The following ZFHX3 variants were observed in gnomAD, a reference collection of about 807,000 sequenced individuals.
ZFHX3 encodes the protein zinc finger homeobox protein 3.
ZFHX3 carries 42 observed loss-of-function variants against 279.1 expected under a neutral mutation model. The observed-to-expected ratio is 0.15, with a 90% CI of 0.12 to 0.19. ZFHX3 has a LOEUF of 0.19. Ranked by LOEUF, ZFHX3 falls within the 10% of genes least tolerant of loss-of-function variation. The pLI is 1.00. For missense variants in ZFHX3, 4,981 were observed against 4,754.0 expected (o/e 1.05, Z -1.40); for synonymous variants, 2,293 against 1,957.8 (o/e 1.17, Z -4.52).
At position 73,661,582 on chromosome 16, in the gene ZFHX3, C is replaced by T. The variant is rs181788526; in HGVS notation, c.-1547+18598G>A. Among the ~76,000 whole-genome samples, 67 of 152,066 alleles carry T rather than the reference C, an allele frequency of 4.4e-4. No homozygotes were observed. The East Asian group carries it at 0.011, about 26-fold the overall frequency. ...CAAAAAATACAAAAAATTAGTCAGG[C>T]GTGGTGGTGCATGCTTGTAATCCCA... On this transcript the variant is annotated intron_variant, in intron 2 of 17. Transcript: ENST00000641206.
At chr16:73,105,273 A>G (rs1966280826) in intron 7 of ZFHX3, among the ~76,000 whole-genome samples, 1 of 149,500 alleles carries the variant, frequency 6.7e-6, no homozygotes, top group African/African-American at 2.5e-5. Context: ...ATATATATAT[A>G]CACACACAGA....
At chr16:73,520,817 C>T (rs887888435) in intron 2 of ZFHX3, among the ~76,000 whole-genome samples, 2 of 152,134 alleles carry the variant, frequency 1.3e-5, no homozygotes, top group African/African-American at 4.8e-5. Flanking sequence ...GACATAGATT[C>T]TGCCTTTGAA....
intron 2 of ZFHX3, among the ~76,000 whole-genome samples, chr16:73,525,346 T>C (rs1442251722): frequency 6.6e-6 from 1 of 152,160 alleles, no homozygotes; most frequent in Non-Finnish European, 1.5e-5. Context: ...AAAGTAGATA[T>C]GGAAAGGGAC....
chr16:73,417,997 A>G (rs1293906485), intron 3 of ZFHX3, among the ~76,000 whole-genome samples: 34 of 149,880 alleles, frequency 2.3e-4, no homozygotes, highest in Middle Eastern at 3.4e-3. Flanking sequence ...TCAAAAAAAA[A>G]AAAAAAAAAA....
At chr16:72,882,010 G>C (rs780557468) in intron 4 of ZFHX3, among the ~76,000 whole-genome samples, 38 of 152,032 alleles carry the variant, frequency 2.5e-4, no homozygotes, top group Non-Finnish European at 4.0e-4. Context: ...CTCCCTTGGG[G>C]GTCCCCATGT....
At chr16:73,557,016 A>G (rs1378115836) in intron 2 of ZFHX3, among the ~76,000 whole-genome samples, 1 of 144,584 alleles carries the variant, frequency 6.9e-6, no homozygotes, top group Non-Finnish European at 1.5e-5. Flanking sequence ...AATGGCATCA[A>G]CCTGGGAGGC....
chr16:73,181,257 T>C (rs558721867), intron 5 of ZFHX3, among the ~76,000 whole-genome samples: 1 of 152,226 alleles, frequency 6.6e-6, no homozygotes, highest in East Asian at 1.9e-4. Context: ...CACGCCAGCA[T>C]GCCCAGCTAA....
chr16:73,596,184 G>T (rs554279917), intron 2 of ZFHX3, among the ~76,000 whole-genome samples: 101 of 151,970 alleles, frequency 6.6e-4, no homozygotes, highest in Non-Finnish European at 1.2e-3. Flanking sequence ...ACCACGCCCG[G>T]CTAATTTTTC....
intron 2 of ZFHX3, among the ~76,000 whole-genome samples, chr16:73,672,592 A>C (rs1295882729): frequency 1.3e-5 from 2 of 152,174 alleles, no homozygotes; most frequent in African/African-American, 4.8e-5. Flanking sequence ...TGAGCATCAT[A>C]AAAAATGATC....
At chr16:73,511,095 T>C (rs1348948984) in intron 2 of ZFHX3, among the ~76,000 whole-genome samples, 2 of 152,246 alleles carry the variant, frequency 1.3e-5, no homozygotes, top group East Asian at 3.8e-4. Context: ...CATTCAGGCA[T>C]GGTCACCTGT....
chr16:72,787,038 T>TC lies in ZFHX3; in HGVS notation c.*125dup. 1 of 1,057,402 alleles carries TC rather than the reference T, an allele frequency of 9.5e-7. No homozygotes were observed. The highest frequency in any genetic ancestry group is 1.2e-6 in the Non-Finnish European group (1 of 817,236). 65.5% of individuals were successfully genotyped at this position (1,057,402 alleles called of 1,614,324 possible). ...AACAACCCACGCTTTTTCTTTTTTT[T>TC]CTTTTTTTTTTTTTTTTTGTTTTTT... On this transcript the variant is annotated 3_prime_UTR_variant, in exon 10 of 10. Coordinates refer to ENST00000268489, the MANE Select transcript of ZFHX3 (RefSeq NM_006885.4).
At chr16:73,851,101 C>G (rs377155063) in intron 1 of ZFHX3, among the ~76,000 whole-genome samples, 2 of 152,156 alleles carry the variant, frequency 1.3e-5, no homozygotes, top group African/African-American at 4.8e-5. Flanking sequence ...TATAGTCTGT[C>G]TTACTGCTGT....
intron 3 of ZFHX3, among the ~76,000 whole-genome samples, chr16:73,407,107 A>T (rs1303913925): frequency 6.6e-6 from 1 of 152,106 alleles, no homozygotes; most frequent in Non-Finnish European, 1.5e-5. Context: ...ACAACTTGGG[A>T]GTGCTAGAGA....
At chr16:72,910,509 G>A (rs971993523) in intron 3 of ZFHX3, among the ~76,000 whole-genome samples, 1 of 152,156 alleles carries the variant, frequency 6.6e-6, no homozygotes, top group African/African-American at 2.4e-5. Context: ...CATGTACACA[G>A]TCCTGCGTAG....
chr16:73,442,346 A>G (rs1253742562), intron 3 of ZFHX3, among the ~76,000 whole-genome samples: 1 of 148,884 alleles, frequency 6.7e-6, no homozygotes, highest in Non-Finnish European at 1.5e-5. Context: ...TGTCCACATC[A>G]GTATCCCATT....
chr16:73,591,991 G>A (rs2052004370), intron 2 of ZFHX3, among the ~76,000 whole-genome samples: 1 of 152,126 alleles, frequency 6.6e-6, no homozygotes, highest in Non-Finnish European at 1.5e-5. Context: ...CAGCACTTTA[G>A]GAGGCTGAGG....
chr16:72,947,130 T>C (rs1036940810), intron 3 of ZFHX3, among the ~76,000 whole-genome samples: 2 of 152,166 alleles, frequency 1.3e-5, no homozygotes, highest in Admixed American at 1.3e-4. Context: ...AGGATTTCAA[T>C]CAGGAGCACT....
At chr16:73,227,702 A>G (rs148334720) in intron 5 of ZFHX3, among the ~76,000 whole-genome samples, 105 of 152,024 alleles carry the variant, frequency 6.9e-4, no homozygotes, top group Middle Eastern at 3.4e-3. Flanking sequence ...TCCAAAAATT[A>G]TCCAGGTGTG....
chr16:73,560,710 C>G (rs537459187), intron 2 of ZFHX3, among the ~76,000 whole-genome samples: 1 of 152,300 alleles, frequency 6.6e-6, no homozygotes, highest in Non-Finnish European at 1.5e-5. Flanking sequence ...CGAGTACTAT[C>G]TGTGATTTAA....
Sources: gnomAD v4.1 joint callset for allele counts (sites outside exome capture counted in the v4.1 genomes callset) on GRCh38, gnomAD v4.1.1 for gene constraint, MANE v1.5 for transcripts, NCBI Gene and HGNC (gene_info 2026-07-23, HGNC 2026-07-21) for gene names.